The following CEP192 variants were observed in gnomAD, a reference collection of about 807,000 sequenced individuals.
CEP192 encodes the protein centrosomal protein 192, also known as centrosomal protein of 192 kDa.
Under a neutral mutation model 271.8 loss-of-function variants are expected in CEP192, and 151 were observed. The ratio of observed to expected loss-of-function variants is 0.56; its 90% CI spans 0.49 to 0.64. The LOEUF is 0.64. Ranked by LOEUF, CEP192 falls within the 30% of genes least tolerant of loss-of-function variation. CEP192 has a pLI of 0.00. For missense variants in CEP192, 2,910 were observed against 3,020.5 expected, an observed-to-expected ratio of 0.96 and a Z score of 0.86; for synonymous variants, 995 against 1,076.5, an observed-to-expected ratio of 0.92 and a Z score of 1.48.
chr18:13,108,002 T>TA (rs1426821683), intron 40 of CEP192, among the ~76,000 whole-genome samples: 1 of 151,468 alleles, frequency 6.6e-6, no homozygotes, highest in Non-Finnish European at 1.5e-5. Flanking sequence ...GCCACAAACC[T>TA]ACAGCCATCT....
chr18:13,104,908 T>C (rs1189047163), intron 39 of CEP192, 76 bp from the exon 40 acceptor site: 2 of 1,062,544 alleles, frequency 1.9e-6, no homozygotes, highest in Non-Finnish European at 1.5e-6. Context: ...TCCGCAGCCA[T>C]AGAGGTAATA....
chr18:13,083,213 G>T (rs2144639786), intron 30 of CEP192, among the ~76,000 whole-genome samples: 1 of 152,322 alleles, frequency 6.6e-6, no homozygotes, highest in East Asian at 1.9e-4. Flanking sequence ...CCTGCAGTGT[G>T]TTTTCCAACT....
At chr18:13,011,087 C>G (rs1456193477) in intron 4 of CEP192, among the ~76,000 whole-genome samples, 1 of 151,650 alleles carries the variant, frequency 6.6e-6, no homozygotes, top group African/African-American at 2.4e-5. Flanking sequence ...ATTAGCTGGG[C>G]GTGGTGGCGG....
chr18:13,106,226 A>G (rs1231061821), intron 40 of CEP192, among the ~76,000 whole-genome samples: 3 of 152,046 alleles, frequency 2.0e-5, no homozygotes, highest in African/African-American at 7.3e-5. Flanking sequence ...ATGATCCCCC[A>G]TTACTACTAC....
chr18:13,108,798 C>T (rs1382137343), intron 40 of CEP192, among the ~76,000 whole-genome samples: 1 of 152,136 alleles, frequency 6.6e-6, no homozygotes, highest in African/African-American at 2.4e-5. Flanking sequence ...TCACGTGAAC[C>T]CAGGAGGCAG....
Position 13,117,637 on chromosome 18 carries a change from C to G in CEP192, c.7469C>G (p.Ser2490Cys), listed in dbSNP as rs2040493051. ...TTCTATGTCAAACATTCCAAGTACT[C>G]TTTGAGGTAAGTTTATCGCAGATCA... ...EPFYVKHSKY[S>C]LRAQHYINMP... Residue 2490 changes from serine (S) to cysteine (C), a missense_variant, in exon 44 of 45, where the codon TCT becomes TGT. Coordinates refer to ENST00000506447, the MANE Select transcript of CEP192 (RefSeq NM_032142.4). The G allele has an allele frequency of 6.2e-7, 1 of 1,612,294 alleles. No individual in the cohort carries two copies. The highest frequency in any genetic ancestry group is 8.5e-7 in the Non-Finnish European group (1 of 1,178,468).
At chr18:13,063,472 G>A (rs2037516656) in intron 21 of CEP192, among the ~76,000 whole-genome samples, 2 of 152,190 alleles carry the variant, frequency 1.3e-5, no homozygotes, top group African/African-American at 4.8e-5. Context: ...GATCAGTGAT[G>A]TCGAGCACCT....
At chr18:13,100,256 A>C (rs776595830) in intron 37 of CEP192, 49 bp from the exon 38 acceptor site, 52 of 1,304,676 alleles carry the variant, frequency 4.0e-5, no homozygotes, top group Admixed American at 2.1e-4. Context: ...TGTTTCGTTT[A>C]AAGTGATAGA....
intron 21 of CEP192, among the ~76,000 whole-genome samples, chr18:13,066,998 T>TGTGTGTGTGTGC (rs756403300): frequency 1.6e-4 from 24 of 150,812 alleles, no homozygotes; most frequent in African/African-American, 5.6e-4. Flanking sequence ...TGTGTGTGTG[T>TGTGTGTGTGTGC]GCCTGTATAA....
chr18:13,045,541 T>G lies in CEP192; in HGVS notation c.2067+3207T>G, dbSNP rs528037403. Among the ~76,000 whole-genome samples the G allele has an allele frequency of 3.3e-5, 5 of 152,344 alleles. No homozygotes were observed. In the East Asian group the frequency reaches 9.6e-4, roughly 29 times the overall value. On this transcript the variant is annotated intron_variant, in intron 15 of 44. Transcript: ENST00000506447. ...TCTGTTATGTGACTTAATGTCTGCT[T>G]CACTTAGGTGAGATTTAAATCGGAA...
chr18:13,044,548 C>T (rs546334322), intron 15 of CEP192, among the ~76,000 whole-genome samples: 1 of 152,282 alleles, frequency 6.6e-6, no homozygotes, highest in South Asian at 2.1e-4. Context: ...CCGAGTGCTT[C>T]TCTAGATCTG....
Position 13,038,403 on chromosome 18 carries a change from G to A in CEP192, c.1633G>A (p.Ala545Thr). 6.4e-7 allele frequency: 1 copy of A among 1,551,610 alleles called. No individual in the cohort carries two copies. The highest frequency in any genetic ancestry group is 8.7e-7 in the Non-Finnish European group (1 of 1,146,928). Residue 545 changes from alanine to threonine, a missense_variant, in exon 13 of 45, where the codon GCA becomes ACA. Transcript: ENST00000506447. ...CATAGATGCTCATAATACTTCGGTT[G>A]CACTGGGCGATACGTCCTGGGGAGC... is the stretch of plus-strand genomic sequence containing the variant. ...ENIDAHNTSV[A>T]LGDTSWGATI...
At chr18:13,038,162 A>C (rs1310448763) in intron 12 of CEP192, among the ~76,000 whole-genome samples, 1 of 152,136 alleles carries the variant, frequency 6.6e-6, no homozygotes, top group Non-Finnish European at 1.5e-5. Flanking sequence ...ATTATAACTC[A>C]AGTGTTCAAA....
rs1599084959 is a variant in CEP192 at position 13,019,155 on chromosome 18, A to G, written c.999A>G (p.Gly333=). 3.9e-6 allele frequency: 6 copies of G among 1,545,974 alleles called. No homozygotes were observed. Among genetic ancestry groups the G allele is most frequent in the Non-Finnish European group, 5.2e-6 (6 of 1,144,754 alleles). Residue 333 remains glycine (G), a synonymous_variant, in exon 9 of 45, where the codon GGA becomes GGG. Coordinates refer to ENST00000506447, the MANE Select transcript of CEP192 (RefSeq NM_032142.4). The part of the protein sequence containing the change: ...GMLPFSSGTW[G]TEKEIENLKG... Reference sequence around the variant, plus strand: ...TACCATTTTCCTCTGGTACTTGGGGAACTGAGAAAGAAATAGAAAATTTGA... The same window carrying G: ...TACCATTTTCCTCTGGTACTTGGGGGACTGAGAAAGAAATAGAAAATTTGA...
intron 3 of CEP192, among the ~76,000 whole-genome samples, chr18:13,005,017 A>G (rs2033893136): frequency 6.6e-6 from 1 of 152,120 alleles, no homozygotes; most frequent in African/African-American, 2.4e-5. Flanking sequence ...TTAGCATCAT[A>G]TAGTTGTGGT....
At chr18:13,083,614 C>G (rs1449325772) in intron 30 of CEP192, among the ~76,000 whole-genome samples, 1 of 152,226 alleles carries the variant, frequency 6.6e-6, no homozygotes, top group African/African-American at 2.4e-5. Flanking sequence ...AAGCCTACTG[C>G]TGTCAGCTCA....
intron 18 of CEP192, among the ~76,000 whole-genome samples, chr18:13,053,951 C>T (rs1050730101): frequency 6.6e-6 from 1 of 152,180 alleles, no homozygotes; most frequent in Non-Finnish European, 1.5e-5. Flanking sequence ...CTCGGCCTCT[C>T]AAGTAGCTGG....
At chr18:13,053,554 C>T (rs2036917650) in intron 18 of CEP192, among the ~76,000 whole-genome samples, 2 of 152,132 alleles carry the variant, frequency 1.3e-5, no homozygotes, top group Admixed American at 6.5e-5. Flanking sequence ...TTAGAACGGC[C>T]ACAGTGAATC....
In CEP192 at chr18:13,056,170, G is replaced by A; in HGVS notation, c.3580G>A (p.Asp1194Asn). The stretch of plus-strand genomic sequence containing the variant: ...CCCTGTGTCCTGCCAGGAGCCTATA[G>A]ATGAAGATCAAAGAATAAGTCCTAA... ...SHPVSCQEPI[D>N]EDQRISPKDK... Residue 1194 changes from aspartate to asparagine, a missense_variant, in exon 19 of 45, where the codon GAT (aspartate) becomes AAT (asparagine). Coordinates refer to ENST00000506447, the MANE Select transcript of CEP192 (RefSeq NM_032142.4). 1.9e-6 allele frequency: 3 copies of A among 1,613,994 alleles called. No homozygotes were observed. Among genetic ancestry groups the A allele is most frequent in the Non-Finnish European group, 2.5e-6 (3 of 1,179,918 alleles).
Sources: gnomAD v4.1 joint callset for allele counts (sites outside exome capture counted in the v4.1 genomes callset) on GRCh38, gnomAD v4.1.1 for gene constraint, MANE v1.5 for transcripts, NCBI Gene and HGNC (gene_info 2026-07-23, HGNC 2026-07-21) for gene names.